Variants in FARP2 observed in about 807,000 individuals in gnomAD.
FARP2 encodes FERM, ARHGEF and pleckstrin domain-containing protein 2.
A neutral mutation model predicts 130.5 loss-of-function variants in FARP2; 111 were observed. That is an observed-to-expected ratio of 0.85 (90% CI 0.73 to 1.00). The LOEUF is 1.00. FARP2 is among the 50% of genes least tolerant of loss of function. FARP2 has a pLI of 0.00. For missense variants in FARP2, 1,385 were observed against 1,346.3 expected (o/e 1.03, Z -0.45); for synonymous variants, 504 against 516.9 (o/e 0.98, Z 0.34).
intron 2 of FARP2, among the ~76,000 whole-genome samples, chr2:241,378,537 T>C (rs6728083): frequency 0.78 from 117,684 of 151,492 alleles, 45,903 homozygotes; most frequent in Middle Eastern, 0.85. Flanking sequence ...CTCAGCCTCT[T>C]GAGTAGCTGG....
rs540611556 is a variant in FARP2, at chr2:241,405,866, G to A, written c.331+1025G>A. Among the ~76,000 whole-genome samples the A allele has an allele frequency of 6.6e-5, 10 of 152,264 alleles. No homozygotes were observed. The South Asian group carries it at 1.4e-3, about 22-fold the overall frequency. ...GGAGAATCACTTGAGCCTGGAAGGC[G>A]GAGGTTGCAGTGAGCCAAGATGACA... On this transcript the variant is annotated intron_variant, in intron 4 of 26. Coordinates refer to ENST00000264042, the MANE Select transcript of FARP2 (RefSeq NM_014808.4).
intron 8 of FARP2, among the ~76,000 whole-genome samples, chr2:241,424,958 A>G (rs187797300): frequency 6.6e-6 from 1 of 152,306 alleles, no homozygotes; most frequent in Non-Finnish European, 1.5e-5. Flanking sequence ...TCTGAATCCC[A>G]GCACTTTCGG....
intron 1 of FARP2, among the ~76,000 whole-genome samples, chr2:241,366,109 A>ATATATATACG (rs1553705648): frequency 5.9e-5 from 1 of 16,986 alleles, no homozygotes; most frequent in African/African-American, 2.0e-4. Context: ...AAAAAAATAT[A>ATATATATACG]TATATATATA....
rs999964669 is a variant in FARP2 at position 241,482,874 on chromosome 2, T to C, written c.2263-591T>C. Among the ~76,000 whole-genome samples the C allele has an allele frequency of 6.6e-6, 1 of 152,160 alleles. No homozygotes were observed. The highest frequency in any genetic ancestry group is 1.5e-5 in the Non-Finnish European group (1 of 68,034). ...CAGGTGTCTGATACTGGCAGGATTC[T>C]TTTTTCTTATCTAACGCCCTGTGGT... On this transcript the variant is annotated intron_variant, in intron 19 of 26. Transcript: ENST00000264042. This position sits in a 1 kb window ranked among gnomAD's most constrained non-coding sequence, Gnocchi z 4.6.
At chr2:241,407,873 T>A (rs1027736563) in intron 5 of FARP2, among the ~76,000 whole-genome samples, 1 of 152,184 alleles carries the variant, frequency 6.6e-6, no homozygotes, top group Non-Finnish European at 1.5e-5. Flanking sequence ...ATGTTGAACT[T>A]ACATTTTCCA....
intron 8 of FARP2, among the ~76,000 whole-genome samples, chr2:241,428,726 C>T (rs76981042): frequency 0.016 from 2,414 of 151,826 alleles, 42 homozygotes; most frequent in African/African-American, 0.042. Context: ...GTTGTATGAC[C>T]GTCACTACTA....
At chr2:241,357,655 C>T (rs529529956) in intron 1 of FARP2, among the ~76,000 whole-genome samples, 18 of 152,244 alleles carry the variant, frequency 1.2e-4, no homozygotes, top group Admixed American at 3.3e-4. Context: ...CTTGCAAATA[C>T]CATCTGTACT....
intron 21 of FARP2, among the ~76,000 whole-genome samples, chr2:241,486,695 T>G (rs1015868024): frequency 2.6e-5 from 4 of 152,160 alleles, no homozygotes; most frequent in African/African-American, 9.7e-5. Context: ...GACTGTAACA[T>G]TGTTGGATCT....
chr2:241,482,835 T>C lies in FARP2; in HGVS notation c.2263-630T>C, dbSNP rs2064650403. ...TCTGAGGGGCTCCCAGGACTCTCGC[T>C]TACCCTATCTGCGCAGGTGTCTGAT... is the stretch of plus-strand genomic sequence containing the variant. On this transcript the variant is annotated intron_variant, in intron 19 of 26. Transcript: ENST00000264042. This position sits in a 1 kb window ranked among gnomAD's most constrained non-coding sequence, Gnocchi z 4.6. Among the ~76,000 whole-genome samples, 1 of 152,174 alleles carries C rather than the reference T, an allele frequency of 6.6e-6. No homozygotes were observed.
At chr2:241,469,807 A>G (rs2064261367) in intron 18 of FARP2, among the ~76,000 whole-genome samples, 1 of 152,230 alleles carries the variant, frequency 6.6e-6, no homozygotes, top group East Asian at 1.9e-4. Context: ...TGCTTGAGGT[A>G]CATAGGACTT....
At position 241,434,988 on chromosome 2, in the gene FARP2, A is replaced by G; in HGVS notation, c.1058A>G (p.Asp353Gly). The stretch of plus-strand genomic sequence containing the variant: ...GGAAGAACTCAGAAACAACTAGTAG[A>G]TTATTTCAAAGACAGTGGAATGAAG... ...YSGRTQKQLVDYFKDSGMKRI... is the reference protein window; with the variant it reads ...YSGRTQKQLVGYFKDSGMKRI... The change falls in exon 11 of 27, where the codon GAT (aspartate) becomes GGT (glycine). Residue 353 changes from aspartate (D) to glycine (G), a missense_variant. Physicochemically the swap from Asp to Gly is moderately conservative, Grantham distance 94. Transcript: ENST00000264042. 1.9e-6 allele frequency: 3 copies of G among 1,597,046 alleles called. No individual in the cohort carries two copies. Among genetic ancestry groups the G allele is most frequent in the Non-Finnish European group, 2.6e-6 (3 of 1,166,960 alleles).
chr2:241,359,545 T>G (rs1247607605), intron 1 of FARP2, among the ~76,000 whole-genome samples: 1 of 152,188 alleles, frequency 6.6e-6, no homozygotes, highest in African/African-American at 2.4e-5. Context: ...GCAGTTTCTA[T>G]GTAGTCCTCT....
chr2:241,462,901 G>C (rs1339942473), intron 15 of FARP2, among the ~76,000 whole-genome samples: 1 of 151,998 alleles, frequency 6.6e-6, no homozygotes, highest in African/African-American at 2.4e-5. Flanking sequence ...TGTTGGCCAG[G>C]CTGGTCCCAA....
rs187961651 is a variant in FARP2 at position 241,406,070 on chromosome 2, A to G, written c.331+1229A>G. ...TGTAATCCCAGCACTTTGGGAGGCCAAGGTGGGCAGATCACAAGGTCAGGA... is the reference window on the plus strand; with the variant it reads ...TGTAATCCCAGCACTTTGGGAGGCCGAGGTGGGCAGATCACAAGGTCAGGA... On this transcript the variant is annotated intron_variant, in intron 4 of 26. Coordinates refer to ENST00000264042, the MANE Select transcript of FARP2 (RefSeq NM_014808.4). Among the ~76,000 whole-genome samples the G allele has an allele frequency of 4.0e-3, 605 of 152,198 alleles. 5 individuals carry two copies. The highest frequency in any genetic ancestry group is 6.2e-3 in the Non-Finnish European group (423 of 67,990).
intron 13 of FARP2, chr2:241,456,494 A>C: frequency 2.4e-6 from 1 of 413,906 alleles, no homozygotes; most frequent in Non-Finnish European, 4.3e-6. Context: ...AGGCCCCCCT[A>C]GAGTCCGGGG....
chr2:241,403,758 C>G, intron 2 of FARP2, 70 bp from the exon 3 acceptor site: 2 of 882,112 alleles, frequency 2.3e-6, no homozygotes, highest in Non-Finnish European at 3.7e-6. Context: ...TAGTTTTATG[C>G]ACAGTTTTCA....
intron 8 of FARP2, among the ~76,000 whole-genome samples, chr2:241,422,441 A>C (rs534556855): frequency 8.6e-5 from 13 of 151,990 alleles, no homozygotes; most frequent in Admixed American, 5.3e-4. Context: ...ATGAACCAAA[A>C]AACCCATAAA....
intron 18 of FARP2, among the ~76,000 whole-genome samples, chr2:241,470,675 CA>C (rs373565053): frequency 1.8e-4 from 27 of 151,098 alleles, no homozygotes; most frequent in African/African-American, 6.6e-4. Context: ...ATACTGCTCT[CA>C]GGGGGTCCTG....
chr2:241,364,366 C>T (rs910080295), intron 1 of FARP2, among the ~76,000 whole-genome samples: 6 of 152,202 alleles, frequency 3.9e-5, no homozygotes, highest in Non-Finnish European at 8.8e-5. Flanking sequence ...CCAAGGAAAT[C>T]CACATAAGAC....
Sources: gnomAD v4.1 joint callset for allele counts (sites outside exome capture counted in the v4.1 genomes callset) on GRCh38, gnomAD v4.1.1 for gene constraint, Gnocchi (gnomAD v3.1) non-coding constraint, MANE v1.5 for transcripts, NCBI Gene and HGNC (gene_info 2026-07-23, HGNC 2026-07-21) for gene names.